The following COG1 variants were observed in gnomAD, a reference collection of about 807,000 sequenced individuals.
COG1 encodes the protein conserved oligomeric Golgi complex subunit 1.
COG1 carries 61 observed loss-of-function variants against 102.2 expected under a neutral mutation model. The observed-to-expected ratio is 0.60, with a 90% CI of 0.49 to 0.74. The LOEUF (loss-of-function observed/expected upper bound fraction) is 0.74. COG1 is among the 30% of genes least tolerant of loss of function. The pLI, the probability that COG1 is intolerant of heterozygous loss-of-function variation, is 0.00. For missense variants in COG1, 1,164 were observed against 1,232.1 expected (o/e 0.94, Z 0.83); for synonymous variants, 454 against 493.6 (o/e 0.92, Z 1.06).
intron 9 of COG1, among the ~76,000 whole-genome samples, chr17:73,204,594 C>CT (rs2061360526): frequency 7.5e-6 from 1 of 134,152 alleles, no homozygotes; most frequent in Admixed American, 8.2e-5. Context: ...GAGTCTCACT[C>CT]TGTCACCCAG....
intron 12 of COG1, 53 bp from the exon 13 acceptor site, chr17:73,207,127 TG>T (rs2061380174): frequency 7.9e-7 from 1 of 1,268,244 alleles, no homozygotes; most frequent in Non-Finnish European, 1.1e-6. Flanking sequence ...AGGCTTCTGC[TG>T]GGCCCCAGAG....
Position 73,208,491 on chromosome 17 carries a change from A to G in COG1, c.*40A>G, listed in dbSNP as rs1275909454. On this transcript the variant is annotated 3_prime_UTR_variant, in exon 14 of 14. Transcript: ENST00000299886. The stretch of plus-strand genomic sequence containing the variant: ...TGTCTCTCCCTAAATAAATACTACC[A>G]CATTATTTCTTCTAAAGGTGCCTCT... 6.2e-7 allele frequency: 1 copy of G among 1,601,600 alleles called. No individual in the cohort carries two copies. Among genetic ancestry groups the G allele is most frequent in the Non-Finnish European group, 8.5e-7 (1 of 1,170,034 alleles).
rs777205955 is a variant in COG1 at position 73,207,354 on chromosome 17, G to A, written c.2805+98G>A. 7 of 1,122,608 alleles carry A rather than the reference G, an allele frequency of 6.2e-6. No homozygotes were observed. In the South Asian group the frequency reaches 6.4e-5, roughly 10 times the overall value. The allele number at this position is 1,122,608 out of a possible 1,614,324, so 69.5% of individuals were successfully genotyped here. On this transcript the variant is annotated intron_variant, in intron 13 of 13. Transcript: ENST00000299886. ...CCTTTTAAATAACTGATTAAGAACT[G>A]AATGACAAAATGCACTAATGCTGCT...
At chr17:73,193,823 C>T (rs889817806) in intron 1 of COG1, among the ~76,000 whole-genome samples, 1 of 152,152 alleles carries the variant, frequency 6.6e-6, no homozygotes, top group Non-Finnish European at 1.5e-5. Flanking sequence ...TTCCCCTTAT[C>T]TCCCCAAGAA....
In COG1 at chr17:73,193,135, C is replaced by G. The variant is rs372590378; in HGVS notation, c.66C>G (p.Phe22Leu). ...RLDLRDPAAL[F>L]ETHGAEEIRG... ...ATCTGCGCGACCCTGCGGCTCTTTT[C>G]GAGACGCATGGAGCGGAGGAGATCC... The change falls in exon 1 of 14, where the codon TTC (phenylalanine) becomes TTG (leucine). Residue 22 changes from phenylalanine (F) to leucine (L), a missense_variant. Physicochemically the swap from Phe to Leu is conservative, Grantham distance 22 (BLOSUM62 0). Transcript: ENST00000299886. The G allele has an allele frequency of 3.1e-6, 5 of 1,610,886 alleles. No individual in the cohort carries two copies. In the South Asian group the frequency reaches 5.5e-5, roughly 18 times the overall value.
intron 6 of COG1, 33 bp from the exon 7 acceptor site, chr17:73,201,076 T>G: frequency 6.3e-7 from 1 of 1,592,700 alleles, no homozygotes; most frequent in Non-Finnish European, 8.6e-7. Flanking sequence ...TTAAAGGAAC[T>G]GTGATTAGAA....
Position 73,206,782 on chromosome 17 carries a change from C to T in COG1, c.2694C>T (p.Pro898=). 1 of 1,613,760 alleles carries T rather than the reference C, an allele frequency of 6.2e-7. No individual in the cohort carries two copies. Among genetic ancestry groups the T allele is most frequent in the Non-Finnish European group, 8.5e-7 (1 of 1,179,950 alleles). The change falls in exon 12 of 14, where the codon CCC becomes CCT. Residue 898 remains proline, a synonymous_variant. Transcript: ENST00000299886. ...GCAGTACGTTCAACTCCCAAGAACC[C>T]CATAACATCCTGCCACTGGCATCCA... ...PRSSTFNSQE[P]HNILPLASSQ...
In COG1 at chr17:73,205,696, G is replaced by A. The variant is rs781379577; in HGVS notation, c.2510+16G>A. ...CAGACTCCAGGTGTCGTATCCTCTAGGGAGCTATGTCAAGGCGGTCTCTTC... is the reference window on the plus strand; with the variant it reads ...CAGACTCCAGGTGTCGTATCCTCTAAGGAGCTATGTCAAGGCGGTCTCTTC... On this transcript the variant is annotated intron_variant, in intron 10 of 13. Coordinates refer to ENST00000299886, the MANE Select transcript of COG1 (RefSeq NM_018714.3). The A allele has an allele frequency of 1.9e-6, 3 of 1,613,226 alleles. No homozygotes were observed. The highest frequency in any genetic ancestry group is 4.5e-5 in the East Asian group (2 of 44,888).
chr17:73,201,162 G>A lies in COG1; in HGVS notation c.1335G>A (p.Leu445=), dbSNP rs1181101391. The A allele has an allele frequency of 6.2e-7, 1 of 1,614,070 alleles. No homozygotes were observed. The highest frequency in any genetic ancestry group is 1.3e-5 in the African/African-American group (1 of 74,920). Residue 445 remains leucine (L), a synonymous_variant, in exon 7 of 14, where the codon TTG becomes TTA. Transcript: ENST00000299886. ...DSISSSSKEL[L]VSALQELESS... ...TCTCCAGTAGCTCCAAGGAGCTCTTGGTTTCAGCTTTGCAGGAACTTGAAA... is the reference window on the plus strand; with the variant it reads ...TCTCCAGTAGCTCCAAGGAGCTCTTAGTTTCAGCTTTGCAGGAACTTGAAA...
At chr17:73,198,594 C>A (rs1237737745) in intron 4 of COG1, among the ~76,000 whole-genome samples, 1 of 151,774 alleles carries the variant, frequency 6.6e-6, no homozygotes, top group Non-Finnish European at 1.5e-5. Flanking sequence ...TTTAAAAAAA[C>A]GAAAGAGAGA....
At chr17:73,205,179 CAA>C in intron 9 of COG1, 1 of 300,582 alleles carries the variant, frequency 3.3e-6, no homozygotes, top group South Asian at 3.1e-5. Flanking sequence ...AACAAACAAA[CAA>C]ACAAACAAAA....
Position 73,203,010 on chromosome 17 carries a change from A to G in COG1, c.2084A>G (p.His695Arg). ...WSSAVVKVLIHGFTQSLLLDD... is the reference protein window; with the variant it reads ...WSSAVVKVLIRGFTQSLLLDD... ...GCCTTTTATTACCAGGTTTTGATTC[A>G]TGGATTCACCCAGTCATTACTTCTA... Residue 695 changes from histidine to arginine, a missense_variant, in exon 8 of 14, where the codon CAT becomes CGT. Physicochemically the swap from His to Arg is conservative, Grantham distance 29. Transcript: ENST00000299886. The G allele has an allele frequency of 6.2e-7, 1 of 1,614,120 alleles. No homozygotes were observed. Among genetic ancestry groups the G allele is most frequent in the Non-Finnish European group, 8.5e-7 (1 of 1,180,010 alleles).
chr17:73,193,898 G>C (rs551310365), intron 1 of COG1, among the ~76,000 whole-genome samples: 2 of 152,138 alleles, frequency 1.3e-5, no homozygotes, highest in South Asian at 4.1e-4. Flanking sequence ...CAGCTATCAA[G>C]CCCTTAACTT....
At chr17:73,204,267 G>T (rs2061358938) in intron 9 of COG1, among the ~76,000 whole-genome samples, 2 of 152,320 alleles carry the variant, frequency 1.3e-5, no homozygotes, top group Middle Eastern at 6.8e-3. Context: ...TTCACTGGGG[G>T]CTCCGGGCAA....
chr17:73,201,554 C>T lies in COG1; in HGVS notation c.1727C>T (p.Ala576Val), dbSNP rs1371840789. ...GAGATGCTGCGGACTCAGTCCGTGG[C>T]ATGCATCAAGCACATCGTGGACTGC... ...VQEMLRTQSVACIKHIVDCIR... is the reference protein window; with the variant it reads ...VQEMLRTQSVVCIKHIVDCIR... The change falls in exon 7 of 14, where the codon GCA (alanine) becomes GTA (valine). Residue 576 changes from alanine (A) to valine (V), a missense_variant. By Grantham distance (64) the Ala-to-Val change is moderately conservative (BLOSUM62 0). Coordinates refer to ENST00000299886, the MANE Select transcript of COG1 (RefSeq NM_018714.3). 6.2e-7 allele frequency: 1 copy of T among 1,614,230 alleles called. No homozygotes were observed. The highest frequency in any genetic ancestry group is 2.2e-5 in the East Asian group (1 of 44,888).
rs1037256 is a variant in COG1, at chr17:73,201,609, G to A, written c.1782G>A (p.Glu594=). The change falls in exon 7 of 14, where the codon GAG becomes GAA. Residue 594 remains glutamate (E), a synonymous_variant. Transcript: ENST00000299886. ...GGGCAGAGCTACAGAGCATTGAAGA[G>A]GGTGTGCAAGGGCAACAGGATGCCC... ...CIRAELQSIE[E]GVQGQQDALN... The A allele has an allele frequency of 0.53, 852,660 of 1,613,856 alleles. 226,363 individuals are homozygous for A. Among genetic ancestry groups the A allele is most frequent in the East Asian group, 0.62 (27,759 of 44,864 alleles).
Position 73,193,233 on chromosome 17 carries a change from G to T in COG1, c.164G>T (p.Arg55Leu). 6.2e-7 allele frequency: 1 copy of T among 1,608,888 alleles called. No homozygotes were observed. Among genetic ancestry groups the T allele is most frequent in the Non-Finnish European group, 8.5e-7 (1 of 1,178,152 alleles). ...KEELRQMVGERYRDLIEAADT... is the reference protein window; with the variant it reads ...KEELRQMVGELYRDLIEAADT... ...GAGCTGCGGCAGATGGTGGGCGAAC[G>T]GTACCGCGACCTGATCGAGGCGGCC... Residue 55 changes from arginine (R) to leucine (L), a missense_variant, in exon 1 of 14, where the codon CGG (arginine) becomes CTG (leucine). Physicochemically the swap from Arg to Leu is moderately radical, Grantham distance 102. Transcript: ENST00000299886.
chr17:73,207,855 C>G lies in COG1; in HGVS notation c.2806-459C>G. On this transcript the variant is annotated intron_variant, in intron 13 of 13. Transcript: ENST00000299886. ...CACAATATTAGCAGTGTATCCTTTC[C>G]GTATTCCCTACCATCGAACCCATTA... 2.5e-6 allele frequency: 3 copies of G among 1,223,712 alleles called. No homozygotes were observed. The South Asian group carries it at 4.4e-5, about 18-fold the overall frequency. The allele number at this position is 1,223,712 out of a possible 1,614,324, so 75.8% of individuals were successfully genotyped here.
intron 2 of COG1, 43 bp from the exon 3 acceptor site, chr17:73,196,857 G>T: frequency 6.2e-7 from 1 of 1,613,922 alleles, no homozygotes. Flanking sequence ...CTTTACCCAA[G>T]ATGTGAAAAA....
Sources: gnomAD v4.1 joint callset for allele counts (sites outside exome capture counted in the v4.1 genomes callset) on GRCh38, gnomAD v4.1.1 for gene constraint, MANE v1.5 for transcripts, NCBI Gene and HGNC (gene_info 2026-07-23, HGNC 2026-07-21) for gene names.